TBCB: variants seen among roughly 807,000 people sequenced by gnomAD.
The protein encoded by TBCB is tubulin-folding cofactor B.
Under a neutral mutation model 29.2 loss-of-function variants are expected in TBCB, and 18 were observed. The ratio of observed to expected loss-of-function variants is 0.62; its 90% CI spans 0.43 to 0.91. The LOEUF (loss-of-function observed/expected upper bound fraction) is 0.91, where lower values mean the gene tolerates loss of function less well. Among genes scored for constraint, TBCB ranks in the 40% least tolerant of loss-of-function variants. The pLI, the probability that TBCB is intolerant of heterozygous loss-of-function variation, is 0.00. For missense variants in TBCB, 336 were observed against 337.6 expected (o/e 1.00, Z 0.04); for synonymous variants, 172 against 137.8 (o/e 1.25, Z -1.74).
chr19:36,120,721 C>T lies in TBCB; in HGVS notation c.270C>T (p.His90=). Reference sequence around the variant, plus strand: ...CTCCCCTCACACAGGTCATTGACCACAGTGGCGCCCGCCTTGGTGAGTATG... The same window carrying T: ...CTCCCCTCACACAGGTCATTGACCATAGTGGCGCCCGCCTTGGTGAGTATG... The part of the protein sequence containing the change: ...DDGCRIHVID[H]SGARLGEYED... Residue 90 remains histidine (H), a synonymous_variant, in exon 3 of 6, where the codon CAC becomes CAT. Transcript: ENST00000221855. 1 of 1,614,132 alleles carries T rather than the reference C, an allele frequency of 6.2e-7. No individual in the cohort carries two copies.
chr19:36,124,387 A>C, intron 4 of TBCB, among the ~76,000 whole-genome samples: 1 of 150,822 alleles, frequency 6.6e-6, no homozygotes, highest in African/African-American at 2.4e-5. Flanking sequence ...CACCTGGCTA[A>C]TTTCTGTATT....
intron 2 of TBCB, among the ~76,000 whole-genome samples, chr19:36,118,095 CAGT>C (rs1235632227): frequency 1.3e-5 from 2 of 152,168 alleles, no homozygotes; most frequent in African/African-American, 4.8e-5. Flanking sequence ...GATGAACTGT[CAGT>C]AGCATTTTGG....
In TBCB at chr19:36,116,176, C is replaced by T. The variant is rs747379011; in HGVS notation, c.250C>T (p.Arg84Cys). The T allele has an allele frequency of 1.9e-6, 3 of 1,613,982 alleles. No homozygotes were observed. Among genetic ancestry groups the T allele is most frequent in the Non-Finnish European group, 2.5e-6 (3 of 1,179,922 alleles). Residue 84 changes from arginine (R) to cysteine (C), a missense_variant, in exon 2 of 6, where the codon CGC (arginine) becomes TGC (cysteine). Coordinates refer to ENST00000221855, the MANE Select transcript of TBCB (RefSeq NM_001281.3). ...CTCCTACCCTGTAGATGACGGCTGCCGCATCCACGTGAGGACTCTCTATCT... is the reference window on the plus strand; with the variant it reads ...CTCCTACCCTGTAGATGACGGCTGCTGCATCCACGTGAGGACTCTCTATCT... ...LGSYPVDDGC[R>C]IHVIDHSGAR...
At chr19:36,115,832 A>T in intron 1 of TBCB, 158 bp downstream of exon 1, 1 of 1,050,692 alleles carries the variant, frequency 9.5e-7, no homozygotes. Context: ...GCGGGTCCGG[A>T]GAGAACTCGA....
intron 3 of TBCB, 31 bp downstream of exon 3, chr19:36,120,837 G>C: frequency 6.2e-7 from 1 of 1,604,678 alleles, no homozygotes; most frequent in Non-Finnish European, 8.5e-7. Flanking sequence ...AGGGGTGCGT[G>C]GGGGCCAGAG....
rs771527034 is a variant in TBCB at position 36,115,530 on chromosome 19, C to T, written c.-31C>T. On this transcript the variant is annotated 5_prime_UTR_variant, in exon 1 of 6. Transcript: ENST00000221855. ...CGGAGCGGGTGTGAGGCGGCTGGACCGCGCTGCAGGCATCCGCAGGGCGCG... is the reference window on the plus strand; with the variant it reads ...CGGAGCGGGTGTGAGGCGGCTGGACTGCGCTGCAGGCATCCGCAGGGCGCG... 1.3e-6 allele frequency: 2 copies of T among 1,545,798 alleles called. No individual in the cohort carries two copies. Among genetic ancestry groups the T allele is most frequent in the East Asian group, 2.4e-5 (1 of 41,482 alleles).
At chr19:36,116,406 A>C in intron 2 of TBCB, 1 of 496,792 alleles carries the variant, frequency 2.0e-6, no homozygotes, top group Non-Finnish European at 3.5e-6. Context: ...CACCAAGAAG[A>C]GGTGCCTGAC....
At chr19:36,117,539 T>G (rs1568381929) in intron 2 of TBCB, among the ~76,000 whole-genome samples, 1 of 151,490 alleles carries the variant, frequency 6.6e-6, no homozygotes, top group East Asian at 1.9e-4. Context: ...TTAAGTAGAG[T>G]TGGGGTTTCA....
chr19:36,120,231 C>T (rs977858903), intron 2 of TBCB, among the ~76,000 whole-genome samples: 1 of 152,206 alleles, frequency 6.6e-6, no homozygotes, highest in Non-Finnish European at 1.5e-5. Flanking sequence ...TCTGTGTTTA[C>T]ACTGAGTCCC....
In TBCB at chr19:36,121,587, C is replaced by T. The variant is rs1365134565; in HGVS notation, c.416C>T (p.Ala139Val). Residue 139 changes from alanine to valine, a missense_variant, in exon 4 of 6, where the codon GCT becomes GTT. Coordinates refer to ENST00000221855, the MANE Select transcript of TBCB (RefSeq NM_001281.3). Reference protein sequence around the residue: ...KLGRYNEEERAQQEAEAAQRL... With the variant: ...KLGRYNEEERVQQEAEAAQRL... ...GGCCGGTACAACGAGGAGGAGCGGG[C>T]TCAGCAGGAGGCCGAGGCCGCCCAG... The T allele has an allele frequency of 2.6e-6, 4 of 1,557,096 alleles. No individual in the cohort carries two copies. In the South Asian group the frequency reaches 4.7e-5, roughly 18 times the overall value.
intron 4 of TBCB, among the ~76,000 whole-genome samples, chr19:36,124,354 G>T (rs1187753197): frequency 6.6e-6 from 1 of 151,904 alleles, no homozygotes; most frequent in Non-Finnish European, 1.5e-5. Flanking sequence ...CCGAGTAGCT[G>T]GGATTATAGG....
upstream of TBCB, chr19:36,114,994 G>C (rs1973918642): frequency 1.6e-5 from 13 of 819,496 alleles, no homozygotes; most frequent in Non-Finnish European, 2.3e-5. The surrounding 1 kb of genome is among the most constrained non-coding windows in gnomAD (Gnocchi z 4.5). Flanking sequence ...CCGCCGCCTC[G>C]GGCTCGGCTC....
At chr19:36,115,090 T>C (rs1973921142), upstream of TBCB, 1 of 596,498 alleles carries the variant, frequency 1.7e-6, no homozygotes, top group African/African-American at 1.9e-5. Context: ...GCCGCCTCAG[T>C]TTACAGAATA....
At chr19:36,121,740 T>G (rs768197238) in intron 4 of TBCB, 22 bp downstream of exon 4, 1 of 1,547,930 alleles carries the variant, frequency 6.5e-7, no homozygotes, top group Non-Finnish European at 8.7e-7. Flanking sequence ...GCGGGCCCGG[T>G]CCCGGGCTCC....
chr19:36,115,355 T>A (rs1033716641), upstream of TBCB: 1 of 577,824 alleles, frequency 1.7e-6, no homozygotes, highest in Non-Finnish European at 3.1e-6. Flanking sequence ...TTGGCTGGGC[T>A]GGCCCAAGAG....
At position 36,122,024 on chromosome 19, in the gene TBCB, G is replaced by A. The variant is rs1283706800; in HGVS notation, c.547+306G>A. 4.6e-5 allele frequency: 22 copies of A among 474,528 alleles called. No individual in the cohort carries two copies. In the East Asian group the frequency reaches 8.9e-4, roughly 19 times the overall value. 29.4% of individuals were successfully genotyped at this position (474,528 alleles called of 1,614,324 possible). ...CAGTGTCAGTCGCGGTGGGGAAACG[G>A]GCGGCGTGACCAAGGCAGGAGTGAG... On this transcript the variant is annotated intron_variant, in intron 4 of 5. Transcript: ENST00000221855.
chr19:36,115,501 G>C lies in TBCB; in HGVS notation c.-60G>C. 1 of 1,326,142 alleles carries C rather than the reference G, an allele frequency of 7.5e-7. No homozygotes were observed. Among genetic ancestry groups the C allele is most frequent in the South Asian group, 1.3e-5 (1 of 77,058 alleles). 82.1% of individuals were successfully genotyped at this position (1,326,142 alleles called of 1,614,324 possible). ...CCCAGCAGCAGCAGCGGCGGCGGCGGCTGCGGAGCGGGTGTGAGGCGGCTG... is the reference window on the plus strand; with the variant it reads ...CCCAGCAGCAGCAGCGGCGGCGGCGCCTGCGGAGCGGGTGTGAGGCGGCTG... On this transcript the variant is annotated 5_prime_UTR_variant, in exon 1 of 6. Coordinates refer to ENST00000221855, the MANE Select transcript of TBCB (RefSeq NM_001281.3).
intron 3 of TBCB, 57 bp from the exon 4 acceptor site, chr19:36,121,470 G>T (rs1334695130): frequency 1.1e-5 from 16 of 1,508,822 alleles, no homozygotes; most frequent in Non-Finnish European, 1.2e-5. Flanking sequence ...TGGGTGGAGC[G>T]TCATCCTGTT....
chr19:36,116,210 C>A (rs200481198), intron 2 of TBCB, 26 bp downstream of exon 2: 2 of 1,607,858 alleles, frequency 1.2e-6, no homozygotes, highest in Non-Finnish European at 1.7e-6. Flanking sequence ...CTGGGACACT[C>A]CCCCACCCCA....
Sources: gnomAD v4.1 joint callset for allele counts (sites outside exome capture counted in the v4.1 genomes callset) on GRCh38, gnomAD v4.1.1 for gene constraint, Gnocchi (gnomAD v3.1) non-coding constraint, MANE v1.5 for transcripts, NCBI Gene and HGNC (gene_info 2026-07-23, HGNC 2026-07-21) for gene names.